The following HSF2BP variants were observed in gnomAD, a reference collection of about 807,000 sequenced individuals.
The protein encoded by HSF2BP is heat shock factor 2-binding protein.
A neutral mutation model predicts 35.0 loss-of-function variants in HSF2BP; 35 were observed. The ratio of observed to expected loss-of-function variants is 1.00; its 90% CI spans 0.76 to 1.32. The LOEUF is 1.32. HSF2BP is among the 40% of genes most tolerant of loss of function. The pLI is 0.00. For synonymous variants in HSF2BP, 114 were observed against 117.4 expected (o/e 0.97, Z 0.18); for missense variants, 326 against 321.7 (o/e 1.01, Z -0.10).
chr21:43,603,415 A>G (rs1275527725), intron 7 of HSF2BP, among the ~76,000 whole-genome samples: 6 of 152,208 alleles, frequency 3.9e-5, no homozygotes, highest in Non-Finnish European at 7.3e-5. Flanking sequence ...ATGTCATTCC[A>G]TGGCTGAATG....
At chr21:43,611,332 T>C (rs1304881202) in intron 7 of HSF2BP, among the ~76,000 whole-genome samples, 2 of 152,218 alleles carry the variant, frequency 1.3e-5, no homozygotes, top group Admixed American at 6.5e-5. Flanking sequence ...AATATTAAAA[T>C]GGACTAGAAA....
intron 6 of HSF2BP, among the ~76,000 whole-genome samples, chr21:43,618,085 C>A (rs934397709): frequency 6.6e-6 from 1 of 152,080 alleles, no homozygotes; most frequent in South Asian, 2.1e-4. Context: ...CATAATGAGA[C>A]CCCATCTCTA....
At chr21:43,600,330 A>G (rs1046564535) in intron 7 of HSF2BP, among the ~76,000 whole-genome samples, 2 of 152,230 alleles carry the variant, frequency 1.3e-5, no homozygotes, top group Non-Finnish European at 2.9e-5. Context: ...TAAGCAAGAA[A>G]AAGGAGTATC....
At chr21:43,633,517 A>G (rs1019369722) in intron 4 of HSF2BP, 96 bp from the exon 5 acceptor site, 4 of 1,053,306 alleles carry the variant, frequency 3.8e-6, no homozygotes, top group Non-Finnish European at 5.3e-6. Context: ...TATTAAAGAA[A>G]TGCATGTATA....
In HSF2BP at chr21:43,593,179, C is replaced by T. The variant is rs527267212; in HGVS notation, c.693-851G>A. ...TTACAGTGGCTTCACGCAGAGGGAC[C>T]GAGCGAAAAGCCTCAGAGAGACACG... is the stretch of plus-strand genomic sequence containing the variant. On this transcript the variant is annotated intron_variant, in intron 7 of 8. Coordinates refer to ENST00000291560, the MANE Select transcript of HSF2BP (RefSeq NM_007031.2). Among the ~76,000 whole-genome samples the T allele has an allele frequency of 2.6e-4, 40 of 152,190 alleles. No individual in the cohort carries two copies. The South Asian group carries it at 7.7e-3, about 29-fold the overall frequency.
At chr21:43,645,765 A>ACGAGAAG (rs1229972710) in intron 3 of HSF2BP, among the ~76,000 whole-genome samples, 6 of 152,158 alleles carry the variant, frequency 3.9e-5, no homozygotes, top group Non-Finnish European at 5.9e-5. Context: ...CTGCAAACAA[A>ACGAGAAG]CGAGAAGCGG....
chr21:43,602,863 C>A (rs1018655082), intron 7 of HSF2BP, among the ~76,000 whole-genome samples: 1 of 152,174 alleles, frequency 6.6e-6, no homozygotes, highest in Non-Finnish European at 1.5e-5. Context: ...ACCCCAGAGG[C>A]CTCTCTCCTC....
intron 7 of HSF2BP, among the ~76,000 whole-genome samples, chr21:43,598,092 T>C (rs2146822228): frequency 6.6e-6 from 1 of 152,304 alleles, no homozygotes; most frequent in Non-Finnish European, 1.5e-5. Context: ...ATTTATCTAC[T>C]GAAAAGTGAA....
At position 43,639,157 on chromosome 21, in the gene HSF2BP, G is replaced by C. The variant is rs990808126; in HGVS notation, c.291+5132C>G. On this transcript the variant is annotated intron_variant, in intron 4 of 8. Transcript: ENST00000291560. ...CCTTCTACAAAAATTAACTCAAAAT[G>C]AATCATAGACTTAAATGTAAAATGT... 5.9e-5 allele frequency among the ~76,000 whole-genome samples: 9 copies of C among 152,216 alleles called. No homozygotes were observed. The East Asian group carries it at 9.6e-4, about 16-fold the overall frequency.
chr21:43,631,878 CGCTCCCACACACACACAT>C (rs995642338), intron 5 of HSF2BP, among the ~76,000 whole-genome samples: 5 of 151,900 alleles, frequency 3.3e-5, no homozygotes, highest in Non-Finnish European at 5.9e-5. Context: ...TGCGTGTGCA[CGCTCCCACACACACACAT>C]GCTCCCACAC....
At chr21:43,582,023 G>GA (rs2081748927) in intron 8 of HSF2BP, among the ~76,000 whole-genome samples, 1 of 129,852 alleles carries the variant, frequency 7.7e-6, no homozygotes, top group Non-Finnish European at 1.6e-5. Flanking sequence ...TGTGGGGGAT[G>GA]AGGGCCTGCT....
chr21:43,601,897 C>T (rs983552878), intron 7 of HSF2BP, among the ~76,000 whole-genome samples: 1 of 152,196 alleles, frequency 6.6e-6, no homozygotes, highest in Non-Finnish European at 1.5e-5. Context: ...CTAATGATAA[C>T]TTTCCTATCT....
At chr21:43,595,963 G>A (rs868705446) in intron 7 of HSF2BP, among the ~76,000 whole-genome samples, 73 of 151,628 alleles carry the variant, frequency 4.8e-4, no homozygotes, top group African/African-American at 1.6e-3. Context: ...CTCATGATCC[G>A]CCCACCTCAG....
chr21:43,633,454 T>C, intron 4 of HSF2BP, 33 bp from the exon 5 acceptor site: 1 of 1,568,170 alleles, frequency 6.4e-7, no homozygotes, highest in Non-Finnish European at 8.7e-7. Flanking sequence ...AAATAAATAA[T>C]AGCATTCAAC....
intron 4 of HSF2BP, among the ~76,000 whole-genome samples, chr21:43,634,747 G>A (rs531130800): frequency 1.3e-5 from 2 of 152,288 alleles, no homozygotes; most frequent in Middle Eastern, 6.8e-3. Context: ...TGCTAATACT[G>A]CATCATGTGA....
rs765755096 is a variant in HSF2BP at position 43,613,909 on chromosome 21, T to C, written c.613A>G (p.Asn205Asp). The change falls in exon 7 of 9, where the codon AAT becomes GAT. Residue 205 changes from asparagine to aspartate, a missense_variant. Transcript: ENST00000291560. The stretch of plus-strand genomic sequence containing the variant: ...GTGTCCAAGAGCACCCGGCTTGAAT[T>C]AACCAAGAATTCACGACCACATGCT... ...AIACGREFLV[N>D]SSRVLLDTIL... 5.0e-6 allele frequency: 8 copies of C among 1,608,900 alleles called. No homozygotes were observed. Among genetic ancestry groups the C allele is most frequent in the Non-Finnish European group, 4.2e-6 (5 of 1,178,894 alleles).
chr21:43,650,626 G>T (rs1055305046), intron 3 of HSF2BP, among the ~76,000 whole-genome samples: 2 of 151,782 alleles, frequency 1.3e-5, no homozygotes, highest in African/African-American at 4.8e-5. Context: ...AAAACAGAGG[G>T]TGATATCTTA....
chr21:43,657,752 G>T, intron 2 of HSF2BP: 1 of 823,998 alleles, frequency 1.2e-6, no homozygotes, highest in Non-Finnish European at 1.5e-6. Context: ...GGGGAACTGG[G>T]CTTCCACGGA....
At chr21:43,587,727 C>T (rs2081873425) in intron 8 of HSF2BP, among the ~76,000 whole-genome samples, 1 of 148,016 alleles carries the variant, frequency 6.8e-6, no homozygotes, top group Non-Finnish European at 1.5e-5. Context: ...AAAAAAATTG[C>T]ATTAACACAA....
Sources: allele counts gnomAD v4.1 joint callset (sites outside exome capture counted in the v4.1 genomes callset), GRCh38; gene constraint gnomAD v4.1.1; transcripts MANE v1.5; gene names NCBI Gene and HGNC (gene_info 2026-07-23, HGNC 2026-07-21).